Variants in ADAMTS17 observed in about 807,000 individuals in gnomAD.
ADAMTS17 encodes the protein ADAM metallopeptidase with thrombospondin type 1 motif 17, also known as A disintegrin and metalloproteinase with thrombospondin motifs 17.
ADAMTS17 carries 113 observed loss-of-function variants against 141.5 expected under a neutral mutation model. That is an observed-to-expected ratio of 0.80 (90% CI 0.69 to 0.93). The LOEUF (loss-of-function observed/expected upper bound fraction) is 0.93, where lower values mean the gene tolerates loss of function less well. ADAMTS17 is among the 40% of genes least tolerant of loss of function. The probability of loss-of-function intolerance (pLI) is 0.00; values close to 1 mark genes in which losing one functional copy is unlikely to be tolerated. For missense variants in ADAMTS17, 1,659 were observed against 1,517.9 expected, an observed-to-expected ratio of 1.09 and a Z score of -1.54; for synonymous variants, 768 against 630.6, an observed-to-expected ratio of 1.22 and a Z score of -3.27.
intron 2 of ADAMTS17, among the ~76,000 whole-genome samples, chr15:100,339,999 G>A (rs940254212): frequency 6.6e-6 from 1 of 152,236 alleles, no homozygotes; most frequent in Non-Finnish European, 1.5e-5. Flanking sequence ...AAAAGGTGGA[G>A]GTGTGGGGAG....
intron 3 of ADAMTS17, among the ~76,000 whole-genome samples, chr15:100,304,744 G>A (rs924140910): frequency 1.3e-5 from 2 of 152,150 alleles, no homozygotes; most frequent in African/African-American, 4.8e-5. Context: ...TGCTGTAGCA[G>A]ACTGTAGTAC....
intron 20 of ADAMTS17, 191 bp from the exon 21 acceptor site, chr15:99,976,413 A>C: frequency 1.3e-6 from 1 of 756,540 alleles, no homozygotes; most frequent in East Asian, 2.7e-5. Context: ...ACACGAGGTC[A>C]GGGGGCTGGG....
rs544322610 is a variant in ADAMTS17, at chr15:100,157,903, T to C, written c.1182-2583A>G. 3.1e-4 allele frequency among the ~76,000 whole-genome samples: 47 copies of C among 151,906 alleles called. No individual in the cohort carries two copies. The South Asian group carries it at 9.8e-3, about 32-fold the overall frequency. ...TAGCTATATTCTTTTTTTTTTTTTTTCCTGAGATGGAGTCTTGCTCAGTCA... is the reference window on the plus strand; with the variant it reads ...TAGCTATATTCTTTTTTTTTTTTTTCCCTGAGATGGAGTCTTGCTCAGTCA... On this transcript the variant is annotated intron_variant, in intron 8 of 21. Coordinates refer to ENST00000268070, the MANE Select transcript of ADAMTS17 (RefSeq NM_139057.4).
chr15:100,249,960 G>A (rs942472132), intron 7 of ADAMTS17, among the ~76,000 whole-genome samples: 1 of 152,212 alleles, frequency 6.6e-6, no homozygotes, highest in Non-Finnish European at 1.5e-5. Context: ...CTCAATCTGA[G>A]TTATGGTTTC....
chr15:100,325,466 C>T (rs533542927), intron 3 of ADAMTS17, among the ~76,000 whole-genome samples: 39 of 152,260 alleles, frequency 2.6e-4, no homozygotes, highest in East Asian at 1.5e-3. Flanking sequence ...AGGGAGAGGA[C>T]GGCCAATACG....
chr15:100,284,393 A>C (rs571105240), intron 3 of ADAMTS17, among the ~76,000 whole-genome samples: 21 of 152,292 alleles, frequency 1.4e-4, no homozygotes, highest in African/African-American at 4.8e-4. Flanking sequence ...ATGCTCACCC[A>C]AGGAATGCAT....
intron 2 of ADAMTS17, among the ~76,000 whole-genome samples, chr15:100,337,852 C>T (rs547459628): frequency 6.6e-6 from 1 of 152,230 alleles, no homozygotes; most frequent in Non-Finnish European, 1.5e-5. Flanking sequence ...GTGCCCTCTC[C>T]GCTATCCTGT....
chr15:100,146,580 G>T (rs562986300), intron 10 of ADAMTS17, among the ~76,000 whole-genome samples: 115 of 152,208 alleles, frequency 7.6e-4, no homozygotes, highest in African/African-American at 2.5e-3. Flanking sequence ...ATGAAATCTG[G>T]GCACCTTGAA....
At chr15:100,171,316 G>A (rs1451605063) in intron 8 of ADAMTS17, among the ~76,000 whole-genome samples, 2 of 152,166 alleles carry the variant, frequency 1.3e-5, no homozygotes, top group African/African-American at 2.4e-5. Context: ...ATGCCATGAG[G>A]GGCTTTATGG....
rs140008043 is a variant in ADAMTS17, at chr15:100,085,217, C to T, written c.2137+11139G>A. On this transcript the variant is annotated intron_variant, in intron 15 of 21. Coordinates refer to ENST00000268070, the MANE Select transcript of ADAMTS17 (RefSeq NM_139057.4). ...AAATGCACAAGGCCTCAGTAGCCGA[C>T]GTGATCAACTGGAAGAAAGGGTATC... Among the ~76,000 whole-genome samples the T allele has an allele frequency of 6.1e-3, 931 of 151,934 alleles. 7 individuals are homozygous for T. Among genetic ancestry groups the T allele is most frequent in the African/African-American group, 0.021 (867 of 41,344 alleles).
intron 10 of ADAMTS17, among the ~76,000 whole-genome samples, chr15:100,138,932 G>T (rs1316664247): frequency 6.7e-6 from 1 of 149,998 alleles, no homozygotes; most frequent in African/African-American, 2.5e-5. Context: ...TAAAAAACAA[G>T]AAGGACAAAA....
At chr15:100,145,116 A>C (rs1354136082) in intron 10 of ADAMTS17, among the ~76,000 whole-genome samples, 1 of 152,204 alleles carries the variant, frequency 6.6e-6, no homozygotes, top group African/African-American at 2.4e-5. Flanking sequence ...TTTAAGATAA[A>C]AGATAGACAA....
chr15:100,206,657 A>G (rs905514317), intron 7 of ADAMTS17, among the ~76,000 whole-genome samples: 2 of 152,132 alleles, frequency 1.3e-5, no homozygotes, highest in African/African-American at 4.8e-5. Context: ...GGCTGAGAAG[A>G]AGTGTGGTAT....
At position 100,178,105 on chromosome 15, in the gene ADAMTS17, C is replaced by T. The variant is rs1424991847; in HGVS notation, c.1181+21213G>A. ...TTTCAGGGAGCAGATAGTTAGGTCA[C>T]ATTTTTAAATCCATTCTGCCAGTGT... On this transcript the variant is annotated intron_variant, in intron 8 of 21. Coordinates refer to ENST00000268070, the MANE Select transcript of ADAMTS17 (RefSeq NM_139057.4). 2.0e-5 allele frequency among the ~76,000 whole-genome samples: 3 copies of T among 152,136 alleles called. No individual in the cohort carries two copies. In the South Asian group the frequency reaches 6.2e-4, roughly 32 times the overall value.
intron 16 of ADAMTS17, among the ~76,000 whole-genome samples, chr15:100,052,181 A>C (rs1265211527): frequency 1.3e-5 from 2 of 152,212 alleles, no homozygotes; most frequent in African/African-American, 4.8e-5. Flanking sequence ...ATTTCTTTGG[A>C]AATGAACATC....
chr15:100,325,605 C>T (rs995663649), intron 3 of ADAMTS17, among the ~76,000 whole-genome samples: 1 of 152,112 alleles, frequency 6.6e-6, no homozygotes, highest in Non-Finnish European at 1.5e-5. Flanking sequence ...TGAGTGAGTT[C>T]TCACTCCATT....
chr15:99,997,725 A>G lies in ADAMTS17; in HGVS notation c.2592-136T>C, dbSNP rs1199066029. On this transcript the variant is annotated intron_variant, in intron 18 of 21. Coordinates refer to ENST00000268070, the MANE Select transcript of ADAMTS17 (RefSeq NM_139057.4). The surrounding 1 kb of genome is among the most constrained non-coding windows in gnomAD (Gnocchi z 4.7). ...GCAGACTCAGGAAGCTTTTCAGCCA[A>G]CCCTGGACATAACTCAGAGTATCGG... 1.9e-6 allele frequency: 2 copies of G among 1,046,158 alleles called. No individual in the cohort carries two copies. The highest frequency in any genetic ancestry group is 3.1e-5 in the African/African-American group (2 of 63,560). The allele number at this position is 1,046,158 out of a possible 1,614,324, so 64.8% of individuals were successfully genotyped here.
rs534522797 is a variant in ADAMTS17 at position 100,101,922 on chromosome 15, C to T, written c.2017-5446G>A. 7.9e-5 allele frequency among the ~76,000 whole-genome samples: 12 copies of T among 152,362 alleles called. No homozygotes were observed. The South Asian group carries it at 2.3e-3, about 29-fold the overall frequency. On this transcript the variant is annotated intron_variant, in intron 14 of 21. Coordinates refer to ENST00000268070, the MANE Select transcript of ADAMTS17 (RefSeq NM_139057.4). ...GAGTGCAGATTTTAGGCCAGTTGCG[C>T]AGCCGTGACTCCAGGATTTACTGGG...
In ADAMTS17 at chr15:100,248,629, C is replaced by T. The variant is rs117983189; in HGVS notation, c.1075+5507G>A. 9.9e-3 allele frequency among the ~76,000 whole-genome samples: 1,514 copies of T among 152,298 alleles called. 15 individuals are homozygous for T. Among genetic ancestry groups the T allele is most frequent in the Non-Finnish European group, 0.016 (1,099 of 68,026 alleles). The stretch of plus-strand genomic sequence containing the variant: ...TCTGACATGTGCAGAGTGGGGGCCA[C>T]TCAGTGAGGGGATGGTGGCTTGTTC... On this transcript the variant is annotated intron_variant, in intron 7 of 21. Transcript: ENST00000268070.
Sources: allele counts gnomAD v4.1 joint callset (sites outside exome capture counted in the v4.1 genomes callset), GRCh38; gene constraint gnomAD v4.1.1; non-coding constraint Gnocchi (gnomAD v3.1); transcripts MANE v1.5; gene names NCBI Gene and HGNC (gene_info 2026-07-23, HGNC 2026-07-21).